RABGAP1L: variants seen among roughly 807,000 people sequenced by gnomAD.
The protein encoded by RABGAP1L is rab GTPase-activating protein 1-like.
RABGAP1L carries 63 observed loss-of-function variants against 137.7 expected under a neutral mutation model. That is an observed-to-expected ratio of 0.46 (90% confidence interval 0.37 to 0.56). The LOEUF is 0.56. Ranked by LOEUF, RABGAP1L falls within the 20% of genes least tolerant of loss-of-function variation. The probability of loss-of-function intolerance (pLI) is 0.00; values close to 1 mark genes in which losing one functional copy is unlikely to be tolerated. For synonymous variants in RABGAP1L, 431 were observed against 433.7 expected, an observed-to-expected ratio of 0.99 and a Z score of 0.08; for missense variants, 1,095 against 1,244.0, an observed-to-expected ratio of 0.88 and a Z score of 1.80.
chr1:174,246,935 G>A (rs1672313514), intron 5 of RABGAP1L, among the ~76,000 whole-genome samples: 1 of 152,220 alleles, frequency 6.6e-6, no homozygotes, highest in Admixed American at 6.5e-5. Flanking sequence ...ATGGCAGCTT[G>A]TAAGACATAG....
rs1441848228 is a variant in RABGAP1L, at chr1:174,383,112, G to T, written c.1560-10883G>T. Among the ~76,000 whole-genome samples the T allele has an allele frequency of 2.6e-5, 4 of 150,990 alleles. No individual in the cohort carries two copies. In the South Asian group the frequency reaches 8.4e-4, roughly 32 times the overall value. On this transcript the variant is annotated intron_variant, in intron 12 of 25. Transcript: ENST00000681986. ...CCAGTTAGGCTGCTCGGGGGTCAGG[G>T]GTCAGGGACCCACTTGAGGAGGCAG...
intron 1 of RABGAP1L, among the ~76,000 whole-genome samples, chr1:174,192,318 GTTTT>G (rs3056994): frequency 2.7e-5 from 3 of 112,936 alleles, no homozygotes; most frequent in Non-Finnish European, 1.8e-5. Context: ...TGTCTGAGGT[GTTTT>G]TTTTTTTTTT....
chr1:174,838,917 C>CAAA (rs58265128), intron 19 of RABGAP1L, among the ~76,000 whole-genome samples: 458 of 22,452 alleles, frequency 0.02, 188 homozygotes, highest in Admixed American at 0.033. Flanking sequence ...GACTCCGTCT[C>CAAA]AAAAAAAAAA....
At chr1:174,756,454 A>T (rs962555634) in intron 18 of RABGAP1L, among the ~76,000 whole-genome samples, 1 of 152,024 alleles carries the variant, frequency 6.6e-6, no homozygotes, top group South Asian at 2.1e-4. Context: ...CCTGCCCTGT[A>T]CCATATATAT....
At chr1:174,958,707 T>C (rs1668832207) in intron 20 of RABGAP1L, among the ~76,000 whole-genome samples, 1 of 152,184 alleles carries the variant, frequency 6.6e-6, no homozygotes, top group African/African-American at 2.4e-5. Context: ...CAGAGGAACA[T>C]GGTGGGAGTA....
intron 13 of RABGAP1L, among the ~76,000 whole-genome samples, chr1:174,614,924 T>C (rs1011439874): frequency 6.6e-6 from 1 of 152,258 alleles, no homozygotes; most frequent in Non-Finnish European, 1.5e-5. Context: ...GGCTTTCAGC[T>C]CCATCAGCTC....
intron 17 of RABGAP1L, among the ~76,000 whole-genome samples, chr1:174,717,759 G>A (rs994880280): frequency 2.0e-5 from 3 of 151,798 alleles, no homozygotes; most frequent in Non-Finnish European, 2.9e-5. Flanking sequence ...TTGTCTGGTG[G>A]TGAACCGCAT....
At chr1:174,204,933 G>A (rs978651152) in intron 1 of RABGAP1L, among the ~76,000 whole-genome samples, 1 of 152,154 alleles carries the variant, frequency 6.6e-6, no homozygotes, top group Non-Finnish European at 1.5e-5. Context: ...CATGCTTTCT[G>A]TACAGCCTGT....
At position 174,170,696 on chromosome 1, in the gene RABGAP1L, C is replaced by G. The variant is rs576528600; in HGVS notation, c.-34+11039C>G. ...CAAAAAAAAAAAAAAAAAAAAAAATCACGTAGCTTGTGAGAGGCAGTTATC... is the reference window on the plus strand; with the variant it reads ...CAAAAAAAAAAAAAAAAAAAAAAATGACGTAGCTTGTGAGAGGCAGTTATC... On this transcript the variant is annotated intron_variant, in intron 1 of 25. Transcript: ENST00000681986. Among the ~76,000 whole-genome samples, 108 of 137,194 alleles carry G rather than the reference C, an allele frequency of 7.9e-4. No individual in the cohort carries two copies. The South Asian group carries it at 8.7e-3, about 11-fold the overall frequency. 90.0% of individuals were successfully genotyped at this position (137,194 alleles called of 152,430 possible).
At chr1:174,756,992 T>G (rs550341731) in intron 18 of RABGAP1L, 1 of 920,566 alleles carries the variant, frequency 1.1e-6, no homozygotes, top group South Asian at 1.3e-5. Flanking sequence ...AAGGACAACA[T>G]AGGCCTTGTC....
intron 11 of RABGAP1L, among the ~76,000 whole-genome samples, chr1:174,349,131 C>A (rs1346708515): frequency 1.8e-5 from 2 of 110,340 alleles, no homozygotes; most frequent in Admixed American, 8.7e-5. Context: ...CCGGACGGGG[C>A]GGCTGGCCGG....
chr1:174,563,792 G>A (rs1055430581), intron 13 of RABGAP1L, among the ~76,000 whole-genome samples: 4 of 152,144 alleles, frequency 2.6e-5, no homozygotes, highest in East Asian at 1.9e-4. Context: ...GTTCTGGTCC[G>A]CAAAATTGTA....
chr1:174,834,883 G>T (rs1276974345), intron 19 of RABGAP1L, among the ~76,000 whole-genome samples: 1 of 152,148 alleles, frequency 6.6e-6, no homozygotes, highest in East Asian at 1.9e-4. Context: ...GGTTGGAGAT[G>T]AAGCCAGGGA....
At position 174,994,840 on chromosome 1, in the gene RABGAP1L, G is replaced by A. The variant is rs1441374427; in HGVS notation, c.*4839G>A. On this transcript the variant is annotated 3_prime_UTR_variant, in exon 26 of 26. Coordinates refer to ENST00000681986, the MANE Select transcript of RABGAP1L (RefSeq NM_001366446.1). ...ACTCCTACCTTTCCCTTGCAGAGGA[G>A]GTAGTAGAGATTCTGGAATTGTCTA... The A allele has an allele frequency of 6.6e-6, 1 of 152,206 alleles. No individual in the cohort carries two copies. Among genetic ancestry groups the A allele is most frequent in the Non-Finnish European group, 1.5e-5 (1 of 68,040 alleles). 9.4% of individuals were successfully genotyped at this position (152,206 alleles called of 1,614,324 possible).
intron 13 of RABGAP1L, among the ~76,000 whole-genome samples, chr1:174,421,831 C>T (rs1036499756): frequency 2.6e-5 from 4 of 152,142 alleles, no homozygotes; most frequent in East Asian, 1.9e-4. Context: ...TACAGTGGCA[C>T]GATCTCGGCT....
At position 174,633,138 on chromosome 1, in the gene RABGAP1L, C is replaced by T. The variant is rs1346852491; in HGVS notation, c.1711-4237C>T. Among the ~76,000 whole-genome samples the T allele has an allele frequency of 9.2e-5, 14 of 151,364 alleles. No homozygotes were observed. In the Middle Eastern group the frequency reaches 0.01, roughly 110 times the overall value. On this transcript the variant is annotated intron_variant, in intron 13 of 25. Transcript: ENST00000681986. The stretch of plus-strand genomic sequence containing the variant: ...TGATTGTTTATCTAGAAAACCCCAT[C>T]GTCTCAGCCCAAAATCTCCTTAAGC...
chr1:174,819,992 GT>G (rs1217378151), intron 19 of RABGAP1L, among the ~76,000 whole-genome samples: 3 of 152,052 alleles, frequency 2.0e-5, no homozygotes, highest in Admixed American at 2.0e-4. Flanking sequence ...GTTTTCTATT[GT>G]TTCTGTTAAA....
At chr1:174,397,753 G>A (rs1440195601) in intron 13 of RABGAP1L, among the ~76,000 whole-genome samples, 1 of 152,144 alleles carries the variant, frequency 6.6e-6, no homozygotes, top group Non-Finnish European at 1.5e-5. Flanking sequence ...CAGACTTGAG[G>A]CTAAGAGCCC....
At chr1:174,849,586 A>T (rs550167046) in intron 19 of RABGAP1L, 2 of 356,530 alleles carry the variant, frequency 5.6e-6, no homozygotes, top group East Asian at 7.3e-5. Flanking sequence ...CATTAAACAC[A>T]TGGTAATTAA....
Sources: gnomAD v4.1 joint callset for allele counts (sites outside exome capture counted in the v4.1 genomes callset) on GRCh38, gnomAD v4.1.1 for gene constraint, MANE v1.5 for transcripts, NCBI Gene and HGNC (gene_info 2026-07-23, HGNC 2026-07-21) for gene names.